VIPR1: variants seen among roughly 807,000 people sequenced by gnomAD.
VIPR1 encodes vasoactive intestinal peptide receptor 1.
A neutral mutation model predicts 58.8 loss-of-function variants in VIPR1; 59 were observed. The observed-to-expected ratio is 1.00, with a 90% CI of 0.81 to 1.25. The LOEUF (loss-of-function observed/expected upper bound fraction) is 1.25, where lower values mean the gene tolerates loss of function less well. Among genes scored for constraint, VIPR1 ranks in the 50% most tolerant of loss-of-function variants. The probability of loss-of-function intolerance (pLI) is 0.00; values close to 1 mark genes in which losing one functional copy is unlikely to be tolerated. For synonymous variants in VIPR1, 251 were observed against 242.1 expected (o/e 1.04, Z -0.34); for missense variants, 626 against 602.7 (o/e 1.04, Z -0.40).
At chr3:42,496,626 G>A (rs1290827690) in intron 1 of VIPR1, among the ~76,000 whole-genome samples, 1 of 152,148 alleles carries the variant, frequency 6.6e-6, no homozygotes, top group Non-Finnish European at 1.5e-5. Context: ...AGGCATAGAC[G>A]TTTGGCATTT....
chr3:42,522,081 AT>A (rs1559489458), intron 3 of VIPR1, among the ~76,000 whole-genome samples: 1,607 of 41,578 alleles, frequency 0.039, 133 homozygotes, highest in African/African-American at 0.16. Flanking sequence ...CTACCTTCGA[AT>A]ATATATATAT....
At chr3:42,536,023 A>G in intron 12 of VIPR1, 67 bp from the exon 13 acceptor site, 1 of 1,489,666 alleles carries the variant, frequency 6.7e-7, no homozygotes, top group Non-Finnish European at 9.0e-7. Context: ...CCCTAAGTCC[A>G]GGGCAGCCCA....
chr3:42,514,819 G>C (rs1700544071), intron 2 of VIPR1, among the ~76,000 whole-genome samples: 1 of 152,186 alleles, frequency 6.6e-6, no homozygotes, highest in Non-Finnish European at 1.5e-5. Context: ...AGGGCTATCA[G>C]GACAGATGAC....
At chr3:42,491,378 G>A (rs949408644) in intron 1 of VIPR1, among the ~76,000 whole-genome samples, 3 of 152,120 alleles carry the variant, frequency 2.0e-5, no homozygotes, top group South Asian at 2.1e-4. Flanking sequence ...TTATTTTTTA[G>A]AGTCCTTATC....
At chr3:42,502,637 A>T, upstream of VIPR1, 1 of 945,034 alleles carries the variant, frequency 1.1e-6, no homozygotes, top group South Asian at 4.2e-5. Flanking sequence ...CCACAGCGCC[A>T]GCGCCACTCT....
chr3:42,535,954 C>A, intron 12 of VIPR1, 136 bp from the exon 13 acceptor site: 4 of 1,113,978 alleles, frequency 3.6e-6, no homozygotes, highest in Non-Finnish European at 3.8e-6. Flanking sequence ...CCGCCCGAGG[C>A]AGCATAGGGG....
rs1173295302 is a variant in VIPR1 at position 42,537,267 on chromosome 3, T to A, written c.*986T>A. Reference sequence around the variant, plus strand: ...AACTCAGATCTGTCTGATAGGAATGTGAAAGCACGGACTCTTACTGCTAAC... The same window carrying A: ...AACTCAGATCTGTCTGATAGGAATGAGAAAGCACGGACTCTTACTGCTAAC... On this transcript the variant is annotated 3_prime_UTR_variant, in exon 13 of 13. Transcript: ENST00000325123. 6.6e-6 allele frequency: 1 copy of A among 152,244 alleles called. No individual in the cohort carries two copies. The highest frequency in any genetic ancestry group is 1.5e-5 in the Non-Finnish European group (1 of 68,038). 9.4% of individuals were successfully genotyped at this position (152,244 alleles called of 1,614,324 possible).
chr3:42,503,032 G>A (rs1699941931), intron 1 of VIPR1, among the ~76,000 whole-genome samples: 1 of 152,236 alleles, frequency 6.6e-6, no homozygotes, highest in African/African-American at 2.4e-5. Flanking sequence ...AGCGCAGCCC[G>A]GAGCAGGCAC....
intron 1 of VIPR1, among the ~76,000 whole-genome samples, chr3:42,490,249 C>G (rs1465169534): frequency 6.6e-6 from 1 of 152,208 alleles, no homozygotes; most frequent in Non-Finnish European, 1.5e-5. Context: ...GCAAAAGAAG[C>G]CAGCGGTCAA....
At chr3:42,527,795 G>A in intron 5 of VIPR1, 196 bp from the exon 6 acceptor site, 2 of 785,800 alleles carry the variant, frequency 2.5e-6, no homozygotes, top group East Asian at 2.6e-5. Flanking sequence ...AGGCCCTTGG[G>A]AGCCCAGTTG....
Position 42,536,202 on chromosome 3 carries a change from C to T in VIPR1, c.1295C>T (p.Thr432Met). ...SGGSNGATCS[T>M]QVSMLTRVSP... ...GGCAGCAACGGCGCCACGTGCAGCA[C>T]GCAGGTTTCCATGCTGACCCGCGTC... Residue 432 changes from threonine (T) to methionine (M), a missense_variant, in exon 13 of 13, where the codon ACG becomes ATG. Physicochemically the swap from Thr to Met is moderately conservative, Grantham distance 81 (BLOSUM62 -1). Coordinates refer to ENST00000325123, the MANE Select transcript of VIPR1 (RefSeq NM_004624.4). 6.3e-7 allele frequency: 1 copy of T among 1,599,018 alleles called. No individual in the cohort carries two copies. The highest frequency in any genetic ancestry group is 8.5e-7 in the Non-Finnish European group (1 of 1,173,826).
chr3:42,507,759 G>T (rs1700180648), intron 1 of VIPR1: 1 of 152,166 alleles, frequency 6.6e-6, no homozygotes, highest in Admixed American at 6.5e-5. Context: ...CTAAGTGTCT[G>T]TGCTTGGGTT....
intron 6 of VIPR1, chr3:42,530,146 T>A: frequency 6.5e-6 from 1 of 152,924 alleles, no homozygotes; most frequent in South Asian, 2.1e-4. Context: ...GATGAATGAG[T>A]GGGTGGGGTG....
chr3:42,513,516 C>G (rs1700463757), intron 1 of VIPR1: 2 of 508,444 alleles, frequency 3.9e-6, no homozygotes, highest in Non-Finnish European at 3.5e-6. Flanking sequence ...AGCTGCAGCA[C>G]TAATGGGGGA....
In VIPR1 at chr3:42,518,943, T is replaced by C. The variant is rs142584111; in HGVS notation, c.185-280T>C. 1.3e-3 allele frequency among the ~76,000 whole-genome samples: 194 copies of C among 152,290 alleles called. 2 individuals carry two copies. Among genetic ancestry groups the C allele is most frequent in the African/African-American group, 4.5e-3 (186 of 41,556 alleles). On this transcript the variant is annotated intron_variant, in intron 2 of 12. Transcript: ENST00000325123. Reference sequence around the variant, plus strand: ...AATGCCAGTGAGGCCCCCCTATTGCTGCAACAGTCAAAACCACCACTGGCA... The same window carrying C: ...AATGCCAGTGAGGCCCCCCTATTGCCGCAACAGTCAAAACCACCACTGGCA...
chr3:42,503,643 G>C (rs890142522), intron 1 of VIPR1, among the ~76,000 whole-genome samples: 13 of 152,144 alleles, frequency 8.5e-5, no homozygotes, highest in Middle Eastern at 3.2e-3. Flanking sequence ...GGAGATGCAT[G>C]GATCATCTCA....
chr3:42,502,704 CG>C lies in VIPR1; in HGVS notation c.-28del. ...GCCGCCCGCCAGCTCTTTGCCCGCG[CG>C]GGGCCGCCCGCCGCGGGCTCAGGGC... On this transcript the variant is annotated 5_prime_UTR_variant, in exon 1 of 13. Transcript: ENST00000325123. 4 of 1,278,008 alleles carry C rather than the reference CG, an allele frequency of 3.1e-6. No individual in the cohort carries two copies. The highest frequency in any genetic ancestry group is 3.9e-6 in the Non-Finnish European group (4 of 1,016,660). 79.2% of individuals were successfully genotyped at this position (1,278,008 alleles called of 1,614,324 possible).
At chr3:42,521,420 C>T (rs1700911585) in intron 3 of VIPR1, 2 of 152,082 alleles carry the variant, frequency 1.3e-5, no homozygotes, top group African/African-American at 4.8e-5. Context: ...GGACTGAAAA[C>T]AGAAAAAAGA....
chr3:42,513,802 GGTGCAGCACAAGCA>G lies in VIPR1; in HGVS notation c.137_150del (p.Gln46ProfsTer9), dbSNP rs1312004208. 6.4e-7 allele frequency: 1 copy of G among 1,551,562 alleles called. No individual in the cohort carries two copies. Among genetic ancestry groups the G allele is most frequent in the East Asian group, 2.4e-5 (1 of 40,948 alleles). On this transcript the variant is annotated frameshift_variant, in exon 2 of 13. Transcript: ENST00000325123. LOFTEE classifies it high-confidence loss of function. ...AGTGTGACTATGTGCAGATGATCGA[GGTGCAGCACAAGCA>G]GTGCCTGGAGGAGGCCCAGCTGGAG...
Sources: allele counts gnomAD v4.1 joint callset (sites outside exome capture counted in the v4.1 genomes callset), GRCh38; gene constraint gnomAD v4.1.1; transcripts MANE v1.5; gene names NCBI Gene and HGNC (gene_info 2026-07-23, HGNC 2026-07-21).